The following DIS3L2 variants were observed in gnomAD, a reference collection of about 807,000 sequenced individuals.
DIS3L2 encodes the protein DIS3-like exonuclease 2.
DIS3L2 carries 34 observed loss-of-function variants against 97.5 expected under a neutral mutation model. The ratio of observed to expected loss-of-function variants is 0.35; its 90% confidence interval spans 0.27 to 0.46. DIS3L2 has a LOEUF of 0.46. Among genes scored for constraint, DIS3L2 ranks in the 20% least tolerant of loss-of-function variants. The probability of loss-of-function intolerance (pLI) is 1.00; values close to 1 mark genes in which losing one functional copy is unlikely to be tolerated. For missense variants in DIS3L2, 1,038 were observed against 1,146.0 expected, an observed-to-expected ratio of 0.91 and a Z score of 1.36; for synonymous variants, 435 against 445.2, an observed-to-expected ratio of 0.98 and a Z score of 0.29.
At chr2:232,211,085 T>C (rs915693125) in intron 10 of DIS3L2, among the ~76,000 whole-genome samples, 2 of 151,970 alleles carry the variant, frequency 1.3e-5, no homozygotes, top group African/African-American at 4.8e-5. Context: ...GTGTAGGATA[T>C]GAGAAAAGTG....
At chr2:232,064,130 G>A (rs1035903095) in intron 5 of DIS3L2, among the ~76,000 whole-genome samples, 2 of 151,958 alleles carry the variant, frequency 1.3e-5, no homozygotes, top group African/African-American at 2.4e-5. Flanking sequence ...TTAAGTGTCC[G>A]GTTCTATGAA....
At chr2:231,982,051 G>A (rs1574784067) in intron 1 of DIS3L2, among the ~76,000 whole-genome samples, 1 of 137,054 alleles carries the variant, frequency 7.3e-6, no homozygotes, top group East Asian at 2.1e-4. Flanking sequence ...AAAAAAAAAA[G>A]AAATACTAGT....
chr2:232,173,633 A>AT (rs1018154890), intron 9 of DIS3L2, among the ~76,000 whole-genome samples: 11 of 152,152 alleles, frequency 7.2e-5, no homozygotes, highest in Admixed American at 1.3e-4. Flanking sequence ...GTCAAACTTC[A>AT]TTTTTTTGCT....
chr2:232,293,819 G>A lies in DIS3L2; in HGVS notation c.1660-6221G>A, dbSNP rs1694659882. Among the ~76,000 whole-genome samples, 1 of 152,248 alleles carries A rather than the reference G, an allele frequency of 6.6e-6. No homozygotes were observed. Among genetic ancestry groups the A allele is most frequent in the Admixed American group, 6.5e-5 (1 of 15,286 alleles). On this transcript the variant is annotated intron_variant, in intron 13 of 20. Coordinates refer to ENST00000325385, the MANE Select transcript of DIS3L2 (RefSeq NM_152383.5). This position sits in a 1 kb window ranked among gnomAD's most constrained non-coding sequence, Gnocchi z 4.6. ...GAAGCCGTCAAAGGTACTAAAGAGGGAAGTGTTACCAGGTTTATGCTTCAG... is the reference window on the plus strand; with the variant it reads ...GAAGCCGTCAAAGGTACTAAAGAGGAAAGTGTTACCAGGTTTATGCTTCAG...
At chr2:232,220,995 G>C (rs186006162) in intron 10 of DIS3L2, among the ~76,000 whole-genome samples, 1 of 151,350 alleles carries the variant, frequency 6.6e-6, no homozygotes, top group Non-Finnish European at 1.5e-5. Flanking sequence ...CCAGCTACTC[G>C]GGAGGCTGAG....
chr2:231,962,473 TC>T (rs1692592800), intron 1 of DIS3L2, among the ~76,000 whole-genome samples: 1 of 149,508 alleles, frequency 6.7e-6, no homozygotes, highest in Admixed American at 6.7e-5. Flanking sequence ...TCTCATTCTG[TC>T]GCCCAGGCTG....
intron 13 of DIS3L2, among the ~76,000 whole-genome samples, chr2:232,270,908 C>CTCTCTGTCTTG (rs1553542505): frequency 2.1e-4 from 27 of 130,648 alleles, no homozygotes; most frequent in African/African-American, 7.1e-4. Flanking sequence ...CTCTCTCTCT[C>CTCTCTGTCTTG]TCTCTCTGTC....
intron 1 of DIS3L2, among the ~76,000 whole-genome samples, chr2:232,010,121 G>A (rs1029020956): frequency 6.6e-6 from 1 of 152,104 alleles, no homozygotes. Flanking sequence ...GATTTTCTTG[G>A]ACCAGCACTT....
At chr2:231,987,043 T>C (rs1231576494) in intron 1 of DIS3L2, among the ~76,000 whole-genome samples, 5 of 152,224 alleles carry the variant, frequency 3.3e-5, no homozygotes, top group Admixed American at 6.5e-5. Context: ...AATGAAGTTT[T>C]AAGCATCAAG....
intron 9 of DIS3L2, among the ~76,000 whole-genome samples, chr2:232,187,151 A>T (rs1243858274): frequency 6.6e-6 from 1 of 152,202 alleles, no homozygotes; most frequent in Non-Finnish European, 1.5e-5. Flanking sequence ...AGCATATAAA[A>T]AAAAGCTCAG....
rs527970073 is a variant in DIS3L2, at chr2:232,037,538, G to A, written c.366+7458G>A. Among the ~76,000 whole-genome samples the A allele has an allele frequency of 2.0e-4, 30 of 152,128 alleles. No homozygotes were observed. Among genetic ancestry groups the A allele is most frequent in the Non-Finnish European group, 4.3e-4 (29 of 68,006 alleles). On this transcript the variant is annotated intron_variant, in intron 5 of 20. Coordinates refer to ENST00000325385, the MANE Select transcript of DIS3L2 (RefSeq NM_152383.5). This position sits in a 1 kb window ranked among gnomAD's most constrained non-coding sequence, Gnocchi z 4.6. ...TGGCTTCAACCCCTTTTCCAGCGGGGTGAACAGTTCTCTCTCACTGGTATA... is the reference window on the plus strand; with the variant it reads ...TGGCTTCAACCCCTTTTCCAGCGGGATGAACAGTTCTCTCTCACTGGTATA...
At position 232,329,785 on chromosome 2, in the gene DIS3L2, TCCCTCCCATCCCACCCACCCTCTGCAG is replaced by T; in HGVS notation, c.1740-27_1740-1del. ...CGCACCTGTCCCCAAACCCCAGCGG[TCCCTCCCATCCCACCCACCCTCTGCAG>T]GCTCGTGGAGGAGTTCATGCTCTTG... On this transcript the variant is annotated splice_acceptor_variant and splice_polypyrimidine_tract_variant and intron_variant, in intron 14 of 20. Coordinates refer to ENST00000325385, the MANE Select transcript of DIS3L2 (RefSeq NM_152383.5). LOFTEE classifies it high-confidence loss of function. 15 of 966,976 alleles carry T rather than the reference TCCCTCCCATCCCACCCACCCTCTGCAG, an allele frequency of 1.6e-5. No homozygotes were observed. Among genetic ancestry groups the T allele is most frequent in the East Asian group, 3.1e-5 (1 of 32,126 alleles). 59.9% of individuals were successfully genotyped at this position (966,976 alleles called of 1,614,324 possible).
At chr2:232,246,719 C>G (rs1183376145) in intron 11 of DIS3L2, among the ~76,000 whole-genome samples, 1 of 152,164 alleles carries the variant, frequency 6.6e-6, no homozygotes, top group African/African-American at 2.4e-5. Flanking sequence ...GGTCTTTAGA[C>G]CTTGTTGTAT....
intron 9 of DIS3L2, among the ~76,000 whole-genome samples, chr2:232,189,530 A>G (rs1426585692): frequency 1.3e-5 from 2 of 152,260 alleles, no homozygotes; most frequent in Non-Finnish European, 2.9e-5. Flanking sequence ...AGATTCAGAA[A>G]AGGCAAATTT....
intron 1 of DIS3L2, among the ~76,000 whole-genome samples, chr2:232,007,154 A>G (rs142658756): frequency 1.2e-4 from 18 of 152,244 alleles, no homozygotes; most frequent in African/African-American, 4.1e-4. Flanking sequence ...CCCAGTGGCA[A>G]GAATAATGGG....
At chr2:232,109,347 A>T (rs1697454283) in intron 6 of DIS3L2, among the ~76,000 whole-genome samples, 1 of 152,170 alleles carries the variant, frequency 6.6e-6, no homozygotes, top group Admixed American at 6.5e-5. Flanking sequence ...AGGCTGAGGC[A>T]GGAGAATTGC....
intron 5 of DIS3L2, among the ~76,000 whole-genome samples, chr2:232,086,671 GTGTGTGTA>G (rs1696658521): frequency 1.4e-4 from 6 of 42,982 alleles, no homozygotes; most frequent in Admixed American, 2.6e-4. Flanking sequence ...GTGTGTGTGT[GTGTGTGTA>G]TATATATATT....
intron 1 of DIS3L2, among the ~76,000 whole-genome samples, chr2:231,971,315 G>A (rs1692901041): frequency 6.6e-6 from 1 of 151,000 alleles, no homozygotes; most frequent in African/African-American, 2.5e-5. Context: ...TCGCCAGGCT[G>A]GAGTGCAGTG....
At chr2:232,204,368 T>C (rs1691972525) in intron 9 of DIS3L2, among the ~76,000 whole-genome samples, 1 of 152,222 alleles carries the variant, frequency 6.6e-6, no homozygotes, top group African/African-American at 2.4e-5. Flanking sequence ...TAAGGGATTA[T>C]AGAAGACTTA....
Sources: allele counts gnomAD v4.1 joint callset (sites outside exome capture counted in the v4.1 genomes callset), GRCh38; gene constraint gnomAD v4.1.1; non-coding constraint Gnocchi (gnomAD v3.1); transcripts MANE v1.5; gene names NCBI Gene and HGNC (gene_info 2026-07-23, HGNC 2026-07-21).